Variants in TMEM232 observed in about 807,000 individuals in gnomAD.
TMEM232 encodes the protein transmembrane protein 232.
TMEM232 carries 80 observed loss-of-function variants against 78.8 expected under a neutral mutation model. The ratio of observed to expected loss-of-function variants is 1.01; its 90% CI spans 0.85 to 1.22. TMEM232 has a LOEUF of 1.22. TMEM232 is among the 50% of genes most tolerant of loss of function. The pLI is 0.00. For synonymous variants in TMEM232, 297 were observed against 254.3 expected, an observed-to-expected ratio of 1.17 and a Z score of -1.60; for missense variants, 881 against 742.2, an observed-to-expected ratio of 1.19 and a Z score of -2.17.
chr5:110,547,477 ACATTAGTACTCCTAAGATCTAGT>A (rs1773921192), intron 11 of TMEM232, among the ~76,000 whole-genome samples: 1 of 152,198 alleles, frequency 6.6e-6, no homozygotes, highest in African/African-American at 2.4e-5. Flanking sequence ...GTTAGTTTAG[ACATTAGTACTCCTAAGATCTAGT>A]GCAGACATGC....
chr5:110,706,769 T>C (rs192041029), intron 1 of TMEM232, among the ~76,000 whole-genome samples: 1 of 152,282 alleles, frequency 6.6e-6, no homozygotes, highest in East Asian at 1.9e-4. Flanking sequence ...AGTGATTATC[T>C]CATTTCTCTG....
Position 110,420,506 on chromosome 5 carries a change from A to G in TMEM232, c.*74T>C, listed in dbSNP as rs1756520504. 3 of 913,724 alleles carry G rather than the reference A, an allele frequency of 3.3e-6. No homozygotes were observed. The highest frequency in any genetic ancestry group is 4.6e-6 in the Non-Finnish European group (3 of 657,248). The allele number at this position is 913,724 out of a possible 1,614,324, so 56.6% of individuals were successfully genotyped here. ...AAGAAAGTTCTCTTACTATGTAGCT[A>G]TCTTGGTATTTTTCATCCTATGTAT... On this transcript the variant is annotated 3_prime_UTR_variant, in exon 14 of 14. Transcript: ENST00000455884.
At chr5:110,402,776 G>A (rs1755650541) in intron 2 of TMEM232, among the ~76,000 whole-genome samples, 2 of 152,088 alleles carry the variant, frequency 1.3e-5, no homozygotes, top group Admixed American at 1.3e-4. Flanking sequence ...AGCCTACAAT[G>A]AATGACACTT....
downstream of TMEM232, among the ~76,000 whole-genome samples, chr5:110,418,952 A>G (rs932137396): frequency 5.9e-5 from 9 of 152,198 alleles, no homozygotes; most frequent in Non-Finnish European, 1.3e-4. Flanking sequence ...AAAAGATTAC[A>G]AATTAGAAGG....
chr5:110,439,210 T>TA (rs200453986), intron 12 of TMEM232, among the ~76,000 whole-genome samples: 2,780 of 152,042 alleles, frequency 0.018, 82 homozygotes, highest in African/African-American at 0.063. Context: ...TATACAAAGT[T>TA]AAAAAAAATC....
At chr5:110,731,292 G>A (rs966611430), upstream of TMEM232, among the ~76,000 whole-genome samples, 15 of 152,228 alleles carry the variant, frequency 9.9e-5, no homozygotes, top group Non-Finnish European at 1.8e-4. Flanking sequence ...CAGGTGCACA[G>A]TGCAAGCTGT....
chr5:110,445,778 T>A (rs1759579059), intron 12 of TMEM232, among the ~76,000 whole-genome samples: 1 of 152,128 alleles, frequency 6.6e-6, no homozygotes, highest in South Asian at 2.1e-4. Context: ...TGGCTGGCGA[T>A]CAAAGACATG....
chr5:110,738,917 C>A, upstream of TMEM232: 3 of 1,383,064 alleles, frequency 2.2e-6, 1 homozygote, highest in South Asian at 4.6e-5. Flanking sequence ...CCGCGTCTCC[C>A]TAGCAACCGT....
At chr5:110,649,566 A>T (rs1473556075) in intron 2 of TMEM232, among the ~76,000 whole-genome samples, 3 of 152,158 alleles carry the variant, frequency 2.0e-5, no homozygotes. Context: ...AGCATATACT[A>T]GTAAAGCACA....
intron 8 of TMEM232, among the ~76,000 whole-genome samples, chr5:110,610,211 GAA>G (rs1782017866): frequency 7.2e-6 from 1 of 139,314 alleles, no homozygotes; most frequent in Non-Finnish European, 1.5e-5. Flanking sequence ...AGGAAGGAAG[GAA>G]GGAAGGGAGG....
At chr5:110,686,164 C>G (rs1157708980) in intron 1 of TMEM232, among the ~76,000 whole-genome samples, 2 of 151,900 alleles carry the variant, frequency 1.3e-5, no homozygotes, top group Admixed American at 6.6e-5. Flanking sequence ...GAGTCTAATC[C>G]CAATACTTGT....
intron 10 of TMEM232, among the ~76,000 whole-genome samples, chr5:110,582,716 A>C (rs1778349028): frequency 6.6e-6 from 1 of 151,960 alleles, no homozygotes; most frequent in African/African-American, 2.4e-5. Flanking sequence ...AAGAAGTGAA[A>C]GTATCTCTGT....
chr5:110,516,274 T>G (rs1230163789), intron 12 of TMEM232, among the ~76,000 whole-genome samples: 1 of 152,126 alleles, frequency 6.6e-6, no homozygotes, highest in Non-Finnish European at 1.5e-5. Flanking sequence ...TTGAACAAAC[T>G]AAGCATGAAT....
At chr5:110,710,891 C>T (rs1796405100) in intron 1 of TMEM232, among the ~76,000 whole-genome samples, 1 of 152,106 alleles carries the variant, frequency 6.6e-6, no homozygotes, top group Non-Finnish European at 1.5e-5. Flanking sequence ...TGTTATTCAA[C>T]ATAGTACTGG....
chr5:110,443,043 A>G (rs1050619183), intron 12 of TMEM232, among the ~76,000 whole-genome samples: 3 of 152,176 alleles, frequency 2.0e-5, no homozygotes, highest in Non-Finnish European at 4.4e-5. Flanking sequence ...ATGTCAGCAC[A>G]GCACTGGGTC....
At chr5:110,397,491 G>A (rs1755433533) in intron 3 of TMEM232, among the ~76,000 whole-genome samples, 1 of 152,090 alleles carries the variant, frequency 6.6e-6, no homozygotes, top group African/African-American at 2.4e-5. Context: ...TAATAGTGCT[G>A]AAGTCTATGA....
intron 6 of TMEM232, 96 bp from the exon 7 acceptor site, chr5:110,625,529 T>C (rs1251780031): frequency 1.7e-6 from 2 of 1,148,562 alleles, no homozygotes; most frequent in Non-Finnish European, 2.3e-6. Flanking sequence ...TTAAATTCAG[T>C]ACTTAGATGC....
intron 1 of TMEM232, chr5:110,725,453 G>C (rs918160627): frequency 7.2e-5 from 11 of 152,170 alleles, no homozygotes; most frequent in African/African-American, 2.4e-4. Flanking sequence ...TGAACTTCAA[G>C]ACAGGAACAT....
chr5:110,409,792 A>G (rs1447932255), intron 2 of TMEM232, among the ~76,000 whole-genome samples: 2 of 151,586 alleles, frequency 1.3e-5, no homozygotes, highest in Admixed American at 1.3e-4. Context: ...TTTTGTGCAC[A>G]TTGTCACTCA....
Sources: gnomAD v4.1 joint callset for allele counts (sites outside exome capture counted in the v4.1 genomes callset) on GRCh38, gnomAD v4.1.1 for gene constraint, MANE v1.5 for transcripts, NCBI Gene and HGNC (gene_info 2026-07-23, HGNC 2026-07-21) for gene names.